DHX8: variants seen among roughly 807,000 people sequenced by gnomAD.
The protein encoded by DHX8 is DEAH-box helicase 8.
Under a neutral mutation model 140.7 loss-of-function variants are expected in DHX8, and 67 were observed. The observed-to-expected ratio is 0.48, with a 90% CI of 0.39 to 0.58. DHX8 has a LOEUF of 0.58. DHX8 is among the 20% of genes least tolerant of loss of function. DHX8 has a pLI of 0.00. For missense variants in DHX8, 887 were observed against 1,550.7 expected, an observed-to-expected ratio of 0.57 and a Z score of 7.19; for synonymous variants, 533 against 553.2, an observed-to-expected ratio of 0.96 and a Z score of 0.51.
chr17:43,491,445 A>G (rs1362815065), intron 4 of DHX8, among the ~76,000 whole-genome samples, 195 bp downstream of exon 4: 1 of 152,170 alleles, frequency 6.6e-6, no homozygotes, highest in Non-Finnish European at 1.5e-5. Context: ...TATTCAAGGG[A>G]AATGAGATTG....
rs370364076 is a variant in DHX8, at chr17:43,490,751, G to A, written c.307+288G>A. Among the ~76,000 whole-genome samples, 67 of 152,226 alleles carry A rather than the reference G, an allele frequency of 4.4e-4. 1 individual carries two copies. The South Asian group carries it at 0.013, about 29-fold the overall frequency. On this transcript the variant is annotated intron_variant, in intron 3 of 22. Coordinates refer to ENST00000262415, the MANE Select transcript of DHX8 (RefSeq NM_004941.3). ...TAGCCAGGCATGATGGCGTGCCTCCGTAGTTCCAGCTACTTGGGAGGCTAA... is the reference window on the plus strand; with the variant it reads ...TAGCCAGGCATGATGGCGTGCCTCCATAGTTCCAGCTACTTGGGAGGCTAA...
Position 43,489,649 on chromosome 17 carries a change from G to GGAGAAGATAATCTGTAGATATTAAT in DHX8, c.234+116_234+117insAGAAGATAATCTGTAGATATTAATG, listed in dbSNP as rs1567674174. The GGAGAAGATAATCTGTAGATATTAAT allele has an allele frequency of 1.9e-5, 13 of 686,310 alleles. No homozygotes were observed. In the African/African-American group the frequency reaches 2.3e-4, roughly 12 times the overall value. 42.5% of individuals were successfully genotyped at this position (686,310 alleles called of 1,614,324 possible). A position where few individuals can be genotyped will look rare whatever the true frequency, so the allele number is the denominator to read the frequency against. On this transcript the variant is annotated intron_variant, in intron 2 of 22. Coordinates refer to ENST00000262415, the MANE Select transcript of DHX8 (RefSeq NM_004941.3). ...TCTGTCGCCTGGGCTGGAGTGCAGTGGCGCCACCTCAGCTCACTGCAAGCT... is the reference window on the plus strand; with the variant it reads ...TCTGTCGCCTGGGCTGGAGTGCAGTGGAGAAGATAATCTGTAGATATTAATGCGCCACCTCAGCTCACTGCAAGCT...
At chr17:43,508,057 A>G in intron 15 of DHX8, 38 bp downstream of exon 15, 1 of 1,600,364 alleles carries the variant, frequency 6.2e-7, no homozygotes, top group Non-Finnish European at 8.5e-7. Flanking sequence ...TGGGAGGCCT[A>G]ATTTTCCCTC....
At chr17:43,489,983 A>G (rs927391699) in intron 2 of DHX8, among the ~76,000 whole-genome samples, 1 of 152,216 alleles carries the variant, frequency 6.6e-6, no homozygotes, top group African/African-American at 2.4e-5. Context: ...TTAAGTGTGT[A>G]ATGTTTTCAT....
At chr17:43,510,768 C>T (rs1969781222) in intron 16 of DHX8, among the ~76,000 whole-genome samples, 2 of 152,146 alleles carry the variant, frequency 1.3e-5, no homozygotes, top group African/African-American at 4.8e-5. Flanking sequence ...TACCCTTTAG[C>T]AGTCATCTAC....
downstream of DHX8, chr17:43,530,126 A>G (rs1274080696): frequency 6.4e-7 from 1 of 1,574,722 alleles, no homozygotes; most frequent in Non-Finnish European, 8.6e-7. Flanking sequence ...CGTCACCTGG[A>G]GAGGGCCCAG....
intron 20 of DHX8, 126 bp downstream of exon 20, chr17:43,521,005 CTGT>C: frequency 1.1e-6 from 1 of 922,914 alleles, no homozygotes; most frequent in Non-Finnish European, 1.5e-6. Context: ...GAGTCTCACT[CTGT>C]TGCCCAGGCT....
intron 18 of DHX8, chr17:43,519,109 A>G (rs1171284474): frequency 1.3e-5 from 2 of 152,132 alleles, no homozygotes; most frequent in African/African-American, 4.8e-5. Context: ...GTTCTTTTGG[A>G]TATATACCTA....
intron 17 of DHX8, among the ~76,000 whole-genome samples, chr17:43,514,010 GC>G (rs1969985999): frequency 6.6e-6 from 1 of 150,810 alleles, no homozygotes; most frequent in African/African-American, 2.4e-5. Context: ...ACCACGCCCG[GC>G]CCTTTTTAAT....
rs769299007 is a variant in DHX8, at chr17:43,507,611, C to T, written c.2032C>T (p.Gln678Ter). The T allele has an allele frequency of 6.2e-7, 1 of 1,614,158 alleles. No individual in the cohort carries two copies. Among genetic ancestry groups the T allele is most frequent in the East Asian group, 2.2e-5 (1 of 44,878 alleles). ...GTGCTTGATTGACCCTGACCTCACT[C>T]AGTACGCGATCATCATGTTGGACGA... ...RECLIDPDLT[Q>*]YAIIMLDEAH... is the part of the protein sequence containing the mutation. The change falls in exon 14 of 23, where the codon CAG (glutamine) becomes TAG (stop). Residue 678 changes from glutamine to a stop codon, truncating the protein, a stop_gained. Transcript: ENST00000262415. LOFTEE classifies it high-confidence loss of function.
intron 11 of DHX8, 43 bp downstream of exon 11, chr17:43,500,146 G>T (rs764538719): frequency 6.3e-7 from 1 of 1,596,678 alleles, no homozygotes; most frequent in East Asian, 2.2e-5. Context: ...TTAAAAATCT[G>T]AGCCTTTCAG....
chr17:43,534,802 G>A (rs559305016), intron 2 of DHX8, among the ~76,000 whole-genome samples: 45 of 151,930 alleles, frequency 3.0e-4, no homozygotes, highest in Admixed American at 6.5e-4. Context: ...TTAGCCGGGC[G>A]TGGTGGCACA....
chr17:43,510,136 C>T (rs538688735), intron 16 of DHX8, among the ~76,000 whole-genome samples: 2 of 152,030 alleles, frequency 1.3e-5, no homozygotes, highest in African/African-American at 2.4e-5. Context: ...GCAACCTCCG[C>T]CTCCCAGATT....
rs1970545732 is a variant in DHX8, at chr17:43,524,703, T to G, written c.*856T>G. On this transcript the variant is annotated 3_prime_UTR_variant, in exon 23 of 23. Transcript: ENST00000262415. ...CCATTTCCTTTTGAAACATACTAAG[T>G]AACAACACAGCTTTTATTTTATTTT... is the stretch of plus-strand genomic sequence containing the variant. 2.0e-6 allele frequency: 2 copies of G among 985,346 alleles called. No individual in the cohort carries two copies. Among genetic ancestry groups the G allele is most frequent in the Non-Finnish European group, 2.4e-6 (2 of 829,952 alleles). The allele number at this position is 985,346 out of a possible 1,614,324, so 61.0% of individuals were successfully genotyped here. A position where few individuals can be genotyped will look rare whatever the true frequency, so the allele number is the denominator to read the frequency against.
chr17:43,530,639 A>G (rs975254161), downstream of DHX8, among the ~76,000 whole-genome samples: 3 of 151,610 alleles, frequency 2.0e-5, no homozygotes, highest in African/African-American at 7.3e-5. Context: ...TGTGTGTGAC[A>G]GAAACAGAGC....
At chr17:43,505,501 C>T (rs899806963) in intron 12 of DHX8, among the ~76,000 whole-genome samples, 13 of 151,910 alleles carry the variant, frequency 8.6e-5, no homozygotes, top group African/African-American at 2.7e-4. Context: ...CCTGAGAGGT[C>T]GCGGCTACAG....
At chr17:43,520,952 G>A in intron 20 of DHX8, 73 bp downstream of exon 20, 2 of 998,012 alleles carry the variant, frequency 2.0e-6, no homozygotes, top group Non-Finnish European at 2.9e-6. Flanking sequence ...CCATTCCAAT[G>A]CTTGATGTGG....
At chr17:43,496,022 C>T (rs139321287) in intron 8 of DHX8, among the ~76,000 whole-genome samples, 159 bp from the exon 9 acceptor site, 4 of 152,094 alleles carry the variant, frequency 2.6e-5, no homozygotes, top group Admixed American at 6.6e-5. Context: ...TGGTTGAGCC[C>T]AGGAGTTTGA....
At chr17:43,507,220 C>T (rs368714598) in intron 13 of DHX8, 23 bp downstream of exon 13, 51 of 1,573,786 alleles carry the variant, frequency 3.2e-5, no homozygotes, top group African/African-American at 1.4e-4. Flanking sequence ...TGGAGTCGCT[C>T]GAAAAATACC....
Sources: allele counts gnomAD v4.1 joint callset (sites outside exome capture counted in the v4.1 genomes callset), GRCh38; gene constraint gnomAD v4.1.1; transcripts MANE v1.5; gene names NCBI Gene and HGNC (gene_info 2026-07-23, HGNC 2026-07-21).